The following SLC35E1 variants were observed in gnomAD, a reference collection of about 807,000 sequenced individuals.
SLC35E1 encodes the protein solute carrier family 35, member E1.
In SLC35E1, 12 loss-of-function variants were observed where a neutral mutation model predicts 31.0. The ratio of observed to expected loss-of-function variants is 0.39; its 90% confidence interval spans 0.25 to 0.63. The LOEUF (loss-of-function observed/expected upper bound fraction) is 0.63. SLC35E1 is among the 20% of genes least tolerant of loss of function. The pLI, the probability that SLC35E1 is intolerant of heterozygous loss-of-function variation, is 0.52. For missense variants in SLC35E1, 429 were observed against 572.2 expected (o/e 0.75, Z 2.55); for synonymous variants, 257 against 264.1 (o/e 0.97, Z 0.26).
chr19:16,570,309 C>T (rs1469303911), intron 2 of SLC35E1, among the ~76,000 whole-genome samples: 1 of 152,136 alleles, frequency 6.6e-6, no homozygotes, highest in Non-Finnish European at 1.5e-5. Context: ...CTACAGAGCA[C>T]ACACAGGTCT....
At chr19:16,571,848 G>C (rs2085960405) in intron 1 of SLC35E1, 96 bp downstream of exon 1, 2 of 1,319,324 alleles carry the variant, frequency 1.5e-6, no homozygotes, top group Non-Finnish European at 2.0e-6. Context: ...TTCTCAGTCC[G>C]GCGGGACGCG....
At chr19:16,569,925 G>A (rs189111672) in intron 2 of SLC35E1, among the ~76,000 whole-genome samples, 2 of 152,318 alleles carry the variant, frequency 1.3e-5, no homozygotes, top group Admixed American at 6.5e-5. Flanking sequence ...AGGGCAGACC[G>A]AGGGCTGTGG....
In SLC35E1 at chr19:16,566,598, G is replaced by A. The variant is rs372369825; in HGVS notation, c.690C>T (p.Ala230=). 3.1e-4 allele frequency: 500 copies of A among 1,612,556 alleles called. No individual in the cohort carries two copies. The highest frequency in any genetic ancestry group is 3.9e-4 in the Non-Finnish European group (456 of 1,180,040). ...LRLLNILGCH[A]VFFMIPTWVL... ...CCCAGGTGGGGATCATAAAGAAGAC[G>A]GCGTGGCAGCCCAGGATGTTGAGCA... The change falls in exon 4 of 6, where the codon GCC becomes GCT. Residue 230 remains alanine (A), a synonymous_variant. Transcript: ENST00000595753.
intron 3 of SLC35E1, among the ~76,000 whole-genome samples, chr19:16,567,078 T>C (rs1452540469): frequency 2.0e-5 from 3 of 152,252 alleles, no homozygotes; most frequent in African/African-American, 7.2e-5. Context: ...ACACACGTGA[T>C]TGTTTCTACA....
Position 16,566,602 on chromosome 19 carries a change from T to C in SLC35E1, c.686A>G (p.His229Arg). The change falls in exon 4 of 6, where the codon CAC becomes CGC. Residue 229 changes from histidine to arginine, a missense_variant. Coordinates refer to ENST00000595753, the MANE Select transcript of SLC35E1 (RefSeq NM_024881.5). ...HLRLLNILGC[H>R]AVFFMIPTWV... is the part of the protein sequence containing the mutation. Reference sequence around the variant, plus strand: ...GGTGGGGATCATAAAGAAGACGGCGTGGCAGCCCAGGATGTTGAGCAGCCG... The same window carrying C: ...GGTGGGGATCATAAAGAAGACGGCGCGGCAGCCCAGGATGTTGAGCAGCCG... 6.2e-7 allele frequency: 1 copy of C among 1,612,678 alleles called. No individual in the cohort carries two copies. The highest frequency in any genetic ancestry group is 2.2e-5 in the East Asian group (1 of 44,884).
intron 2 of SLC35E1, among the ~76,000 whole-genome samples, chr19:16,569,739 G>T (rs768181494): frequency 1.3e-4 from 20 of 152,174 alleles, no homozygotes. Flanking sequence ...CCGGCTACTC[G>T]GGAGGCTGAG....
chr19:16,557,943 A>T (rs1176074826), intron 4 of SLC35E1, among the ~76,000 whole-genome samples: 1 of 152,062 alleles, frequency 6.6e-6, no homozygotes, highest in Non-Finnish European at 1.5e-5. Context: ...CCTCCCGCAT[A>T]GCTGGGACTA....
chr19:16,564,189 G>C (rs1250165687), intron 4 of SLC35E1: 1 of 152,456 alleles, frequency 6.6e-6, no homozygotes, highest in Non-Finnish European at 1.5e-5. Context: ...TGCAGCTCTG[G>C]GATGGGAAGT....
intron 4 of SLC35E1, among the ~76,000 whole-genome samples, chr19:16,563,386 G>A (rs1401212364): frequency 6.6e-6 from 1 of 152,156 alleles, no homozygotes; most frequent in Admixed American, 6.5e-5. Flanking sequence ...AATAAGGACA[G>A]AGGGTGATTA....
intron 4 of SLC35E1, 79 bp downstream of exon 4, chr19:16,566,453 G>A (rs1180430289): frequency 6.3e-7 from 1 of 1,583,462 alleles, no homozygotes; most frequent in South Asian, 1.1e-5. Context: ...ATGTTAACAT[G>A]CAGCTACAGC....
intron 2 of SLC35E1, among the ~76,000 whole-genome samples, chr19:16,569,028 CTT>C (rs946440031): frequency 1.1e-4 from 15 of 142,556 alleles, no homozygotes; most frequent in African/African-American, 7.7e-5. Flanking sequence ...TCCACTCACT[CTT>C]TTTTTTTTTT....
chr19:16,559,341 C>T (rs1234353675), intron 4 of SLC35E1, among the ~76,000 whole-genome samples: 1 of 151,502 alleles, frequency 6.6e-6, no homozygotes, highest in Admixed American at 6.6e-5. Flanking sequence ...AATTTCTAGC[C>T]AAGTTTGGTG....
intron 4 of SLC35E1, among the ~76,000 whole-genome samples, chr19:16,563,362 GCTACT>G (rs2085916731): frequency 6.6e-6 from 1 of 151,844 alleles, no homozygotes; most frequent in Non-Finnish European, 1.5e-5. Context: ...AAAATAAAAA[GCTACT>G]CTGTGTGTAA....
chr19:16,566,841 C>T (rs909361601), intron 3 of SLC35E1, among the ~76,000 whole-genome samples, 184 bp from the exon 4 acceptor site: 10 of 152,154 alleles, frequency 6.6e-5, no homozygotes, highest in Non-Finnish European at 1.3e-4. Flanking sequence ...CCATGCTCCA[C>T]GCATAAACGA....
Position 16,568,033 on chromosome 19 carries a change from T to A in SLC35E1, c.629A>T (p.Lys210Met). ...CFSLQNIFSK[K>M]VLRDSRIHHL... ...TGTCCGCTGATGGTGACCAAATACCTTTTTGGAGAAAATGTTCTGAAGCGA... is the reference window on the plus strand; with the variant it reads ...TGTCCGCTGATGGTGACCAAATACCATTTTGGAGAAAATGTTCTGAAGCGA... The change falls in exon 3 of 6, where the codon AAG becomes ATG. Residue 210 changes from lysine to methionine, a missense_variant and splice_region_variant. Physicochemically the swap from Lys to Met is moderately conservative, Grantham distance 95 (BLOSUM62 -1). Transcript: ENST00000595753. 1 of 1,609,006 alleles carries A rather than the reference T, an allele frequency of 6.2e-7. No homozygotes were observed. Among genetic ancestry groups the A allele is most frequent in the Non-Finnish European group, 8.5e-7 (1 of 1,177,318 alleles).
intron 4 of SLC35E1, among the ~76,000 whole-genome samples, chr19:16,564,852 G>A (rs1235483056): frequency 2.0e-5 from 3 of 152,156 alleles, no homozygotes; most frequent in African/African-American, 7.2e-5. Flanking sequence ...CCTGGAAGAT[G>A]GAAAGTTCTT....
rs2122316596 is a variant in SLC35E1, at chr19:16,551,696, T to A, written c.*1983A>T. ...TCGGACCTGAGCACTCAGGGTTACC[T>A]ACTGGGGTCTTGTCATATTCCTTAT... On this transcript the variant is annotated 3_prime_UTR_variant, in exon 6 of 6. Transcript: ENST00000595753. The A allele has an allele frequency of 6.6e-6, 1 of 151,342 alleles. No homozygotes were observed. The highest frequency in any genetic ancestry group is 1.5e-5 in the Non-Finnish European group (1 of 67,892). 9.4% of individuals were successfully genotyped at this position (151,342 alleles called of 1,614,324 possible).
chr19:16,557,021 C>G (rs1390016522), intron 4 of SLC35E1: 6 of 470,676 alleles, frequency 1.3e-5, no homozygotes, highest in South Asian at 9.3e-5. Flanking sequence ...GTTGGGCCAG[C>G]CTGTTCTCCC....
chr19:16,556,790 C>T (rs1232373623), intron 4 of SLC35E1: 1 of 460,842 alleles, frequency 2.2e-6, no homozygotes, highest in Non-Finnish European at 4.5e-6. Flanking sequence ...AGGATGTCTA[C>T]CTGACTCCAT....
Sources: gnomAD v4.1 joint callset for allele counts (sites outside exome capture counted in the v4.1 genomes callset) on GRCh38, gnomAD v4.1.1 for gene constraint, MANE v1.5 for transcripts, NCBI Gene and HGNC (gene_info 2026-07-23, HGNC 2026-07-21) for gene names.